Variants in PEBP4 observed in about 807,000 individuals in gnomAD.
PEBP4 encodes the protein phosphatidylethanolamine-binding protein 4.
In PEBP4, 22 loss-of-function variants were observed where a neutral mutation model predicts 23.9. That is an observed-to-expected ratio of 0.92 (90% CI 0.66 to 1.31). The LOEUF is 1.31. Ranked by LOEUF, PEBP4 falls within the 40% of genes most tolerant of loss-of-function variation. The pLI, the probability that PEBP4 is intolerant of heterozygous loss-of-function variation, is 0.00. For synonymous variants in PEBP4, 112 were observed against 99.3 expected (o/e 1.13, Z -0.76); for missense variants, 324 against 281.7 (o/e 1.15, Z -1.07).
chr8:22,861,942 C>CG (rs1807786738), intron 3 of PEBP4, among the ~76,000 whole-genome samples: 1 of 152,056 alleles, frequency 6.6e-6, no homozygotes, highest in Non-Finnish European at 1.5e-5. Context: ...CTGGTTGGAT[C>CG]GGGAGCACGA....
intron 3 of PEBP4, among the ~76,000 whole-genome samples, chr8:22,894,573 C>A (rs1265188897): frequency 1.3e-5 from 2 of 152,038 alleles, no homozygotes; most frequent in African/African-American, 2.4e-5. Context: ...CAGAGTGAGA[C>A]CCTGTCTCTA....
chr8:22,798,351 C>T (rs1806307995), intron 4 of PEBP4, among the ~76,000 whole-genome samples: 3 of 152,112 alleles, frequency 2.0e-5, no homozygotes, highest in Admixed American at 2.0e-4. Flanking sequence ...GCCCATTCCC[C>T]CAACTACCTC....
chr8:22,870,363 T>C (rs1202778117), intron 3 of PEBP4, among the ~76,000 whole-genome samples: 1 of 152,218 alleles, frequency 6.6e-6, no homozygotes, highest in African/African-American at 2.4e-5. Context: ...GGATCCTAAC[T>C]ATACAACATT....
chr8:22,768,860 G>T (rs1419586906), intron 4 of PEBP4, among the ~76,000 whole-genome samples: 1 of 152,160 alleles, frequency 6.6e-6, no homozygotes, highest in Non-Finnish European at 1.5e-5. Context: ...GGTTCTAGAG[G>T]CCGAAGGAAC....
At chr8:22,776,961 G>A (rs950265678) in intron 4 of PEBP4, among the ~76,000 whole-genome samples, 3 of 151,824 alleles carry the variant, frequency 2.0e-5, no homozygotes, top group Admixed American at 2.0e-4. Context: ...TGCGTCCTAC[G>A]GGGGCAGGCT....
chr8:22,758,089 C>T (rs1049386290), intron 4 of PEBP4: 1 of 152,226 alleles, frequency 6.6e-6, no homozygotes, highest in East Asian at 1.9e-4. Flanking sequence ...ATGAAAGAGA[C>T]ATTGTGTGTG....
At chr8:22,719,428 C>A (rs1176830860) in intron 6 of PEBP4, among the ~76,000 whole-genome samples, 8 of 152,180 alleles carry the variant, frequency 5.3e-5, no homozygotes, top group Admixed American at 2.0e-4. Context: ...TGGTGTGGCA[C>A]AGACCGCAGC....
chr8:22,933,037 T>C (rs1301237399), intron 1 of PEBP4, among the ~76,000 whole-genome samples: 2 of 151,916 alleles, frequency 1.3e-5, no homozygotes, highest in African/African-American at 4.8e-5. Context: ...AAATTTCATT[T>C]TCTTTCTACC....
At position 22,927,840 on chromosome 8, in the gene PEBP4, G is replaced by C. The variant is rs546935000; in HGVS notation, c.-24C>G. 4.4e-4 allele frequency: 556 copies of C among 1,264,588 alleles called. 3 individuals carry two copies. The highest frequency in any genetic ancestry group is 1.2e-3 in the South Asian group (85 of 72,372). The allele number at this position is 1,264,588 out of a possible 1,614,324, so 78.3% of individuals were successfully genotyped here. ...ATAGAGACCTCTGGTTAAGCACAGG[G>C]AGAAGGACAGGCAGCTTCCAGGGCT... is the stretch of plus-strand genomic sequence containing the variant. On this transcript the variant is annotated 5_prime_UTR_variant, in exon 1 of 7. Transcript: ENST00000256404.
chr8:22,800,659 C>T (rs559372169), intron 4 of PEBP4, among the ~76,000 whole-genome samples: 1 of 152,144 alleles, frequency 6.6e-6, no homozygotes, highest in Non-Finnish European at 1.5e-5. Context: ...AGCCTCAGGA[C>T]GATTCCTCAG....
chr8:22,813,081 T>C (rs1246480302), intron 4 of PEBP4, among the ~76,000 whole-genome samples: 1 of 152,200 alleles, frequency 6.6e-6, no homozygotes, highest in Non-Finnish European at 1.5e-5. Flanking sequence ...TTTATTGGAT[T>C]TCCCATTATC....
At chr8:22,768,114 T>C (rs1424126734) in intron 4 of PEBP4, among the ~76,000 whole-genome samples, 1 of 152,164 alleles carries the variant, frequency 6.6e-6, no homozygotes, top group African/African-American at 2.4e-5. Flanking sequence ...CTGTTGGAAA[T>C]TCCCTAAATG....
chr8:22,898,995 G>C (rs1808654073), intron 3 of PEBP4, among the ~76,000 whole-genome samples: 1 of 152,158 alleles, frequency 6.6e-6, no homozygotes, highest in South Asian at 2.1e-4. Flanking sequence ...GTGTGGCTTG[G>C]CTAACTAAAG....
At chr8:22,908,006 C>T (rs550317287) in intron 3 of PEBP4, among the ~76,000 whole-genome samples, 3 of 139,824 alleles carry the variant, frequency 2.1e-5, no homozygotes, top group African/African-American at 8.2e-5. Context: ...GAGTGGGACC[C>T]TGTCTCAAAA....
intron 3 of PEBP4, among the ~76,000 whole-genome samples, chr8:22,892,493 C>T (rs1338261823): frequency 2.0e-5 from 3 of 152,160 alleles, no homozygotes; most frequent in African/African-American, 4.8e-5. Context: ...CTTCTCAGCC[C>T]ATCTAACAAT....
At chr8:22,914,934 C>G (rs1295359170) in intron 3 of PEBP4, among the ~76,000 whole-genome samples, 1 of 152,186 alleles carries the variant, frequency 6.6e-6, no homozygotes, top group Non-Finnish European at 1.5e-5. Flanking sequence ...ACACATTGTC[C>G]TGGCATAACT....
At chr8:22,789,592 C>T (rs1013074715) in intron 4 of PEBP4, among the ~76,000 whole-genome samples, 1 of 152,162 alleles carries the variant, frequency 6.6e-6, no homozygotes, top group African/African-American at 2.4e-5. Flanking sequence ...CTCTAGGCCA[C>T]AGGAAAGTAC....
chr8:22,876,197 C>T (rs894110401), intron 3 of PEBP4, among the ~76,000 whole-genome samples: 2 of 152,122 alleles, frequency 1.3e-5, no homozygotes, highest in African/African-American at 2.4e-5. Context: ...AGGTGTGAGC[C>T]ACTGGGCCTG....
chr8:22,845,030 G>T (rs1751510761), intron 3 of PEBP4, among the ~76,000 whole-genome samples: 1 of 152,210 alleles, frequency 6.6e-6, no homozygotes, highest in Non-Finnish European at 1.5e-5. Context: ...ATTTACCCAG[G>T]ATGCAAAGGG....
Sources: gnomAD v4.1 joint callset for allele counts (sites outside exome capture counted in the v4.1 genomes callset) on GRCh38, gnomAD v4.1.1 for gene constraint, MANE v1.5 for transcripts, NCBI Gene and HGNC (gene_info 2026-07-23, HGNC 2026-07-21) for gene names.